The following FGF14 variants were observed in gnomAD, a reference collection of about 807,000 sequenced individuals.
FGF14 encodes the protein fibroblast growth factor homologous factor 4.
FGF14 carries 5 observed loss-of-function variants against 25.5 expected under a neutral mutation model. That is an observed-to-expected ratio of 0.20 (90% CI 0.10 to 0.41). The LOEUF (loss-of-function observed/expected upper bound fraction) is 0.41. FGF14 is among the 10% of genes least tolerant of loss of function. The pLI, the probability that FGF14 is intolerant of heterozygous loss-of-function variation, is 1.00. For synonymous variants in FGF14, 138 were observed against 118.3 expected, an observed-to-expected ratio of 1.17 and a Z score of -1.08; for missense variants, 222 against 320.1, an observed-to-expected ratio of 0.69 and a Z score of 2.34.
At chr13:101,824,344 C>T (rs979984144) in intron 3 of FGF14, among the ~76,000 whole-genome samples, 1 of 152,074 alleles carries the variant, frequency 6.6e-6, no homozygotes, top group Non-Finnish European at 1.5e-5. Context: ...CGCGCGTGCA[C>T]GCTTACCATT....
At chr13:102,373,662 C>T (rs1436327926) in intron 1 of FGF14, 1 of 152,136 alleles carries the variant, frequency 6.6e-6, no homozygotes, top group Non-Finnish European at 1.5e-5. Flanking sequence ...AATTGGTGAG[C>T]TTGATTTGTG....
At chr13:101,932,323 A>G (rs1469402244) in intron 1 of FGF14, among the ~76,000 whole-genome samples, 1 of 152,034 alleles carries the variant, frequency 6.6e-6, no homozygotes, top group Non-Finnish European at 1.5e-5. Context: ...TGAGGTCAGA[A>G]GTTTGTGACC....
intron 1 of FGF14, among the ~76,000 whole-genome samples, chr13:102,383,505 T>A (rs1471634757): frequency 3.9e-5 from 6 of 152,184 alleles, no homozygotes; most frequent in African/African-American, 1.4e-4. Flanking sequence ...ACCCAACTTA[T>A]CAAATGCTAT....
chr13:101,771,640 A>C (rs2038780285), intron 3 of FGF14, among the ~76,000 whole-genome samples: 2 of 152,248 alleles, frequency 1.3e-5, no homozygotes, highest in Admixed American at 1.3e-4. Context: ...AATCTGGCCC[A>C]TAGATAAATT....
At chr13:102,078,755 C>T (rs1347450188) in intron 1 of FGF14, among the ~76,000 whole-genome samples, 1 of 152,104 alleles carries the variant, frequency 6.6e-6, no homozygotes, top group African/African-American at 2.4e-5. Context: ...TGGAAACTCT[C>T]GACGTGTATT....
intron 1 of FGF14, among the ~76,000 whole-genome samples, chr13:102,225,468 G>A (rs975067471): frequency 2.0e-5 from 3 of 152,074 alleles, no homozygotes; most frequent in Admixed American, 6.6e-5. Context: ...ATTTTATGCT[G>A]CACTAGAGAA....
At chr13:101,940,841 A>G (rs1488466359) in intron 1 of FGF14, among the ~76,000 whole-genome samples, 3 of 152,234 alleles carry the variant, frequency 2.0e-5, no homozygotes, top group African/African-American at 7.2e-5. Flanking sequence ...AAAATTCAAC[A>G]AATATTGAAA....
chr13:102,088,376 A>G (rs1343125095), intron 1 of FGF14, among the ~76,000 whole-genome samples: 5 of 152,164 alleles, frequency 3.3e-5, no homozygotes, highest in Non-Finnish European at 2.9e-5. Context: ...ATTAATGAAA[A>G]TGAATCTTAA....
At chr13:102,349,750 T>C (rs1326855685) in intron 1 of FGF14, among the ~76,000 whole-genome samples, 2 of 152,218 alleles carry the variant, frequency 1.3e-5, no homozygotes, top group Non-Finnish European at 2.9e-5. Context: ...AAATATAACA[T>C]ATTATGAACC....
chr13:101,928,633 C>A (rs1017550754), intron 1 of FGF14, among the ~76,000 whole-genome samples: 1 of 151,956 alleles, frequency 6.6e-6, no homozygotes, highest in Non-Finnish European at 1.5e-5. Context: ...AACTAATAAT[C>A]CCATTTTACT....
At chr13:101,896,027 T>G (rs921035432) in intron 1 of FGF14, among the ~76,000 whole-genome samples, 8 of 152,184 alleles carry the variant, frequency 5.3e-5, no homozygotes, top group African/African-American at 1.7e-4. Context: ...TACTTAACCA[T>G]AATTAAAATT....
At chr13:102,054,839 T>C (rs2042362272) in intron 1 of FGF14, among the ~76,000 whole-genome samples, 1 of 152,160 alleles carries the variant, frequency 6.6e-6, no homozygotes, top group South Asian at 2.1e-4. Flanking sequence ...CTTTTATTCA[T>C]CCCCAATATG....
At chr13:102,040,769 T>C (rs1428292890) in intron 1 of FGF14, among the ~76,000 whole-genome samples, 2 of 152,178 alleles carry the variant, frequency 1.3e-5, no homozygotes, top group Non-Finnish European at 2.9e-5. Context: ...GGCAATCAAT[T>C]TGGGGGTACC....
intron 3 of FGF14, among the ~76,000 whole-genome samples, chr13:101,746,411 A>T (rs529513887): frequency 2.6e-4 from 40 of 152,114 alleles, no homozygotes; most frequent in African/African-American, 9.4e-4. Flanking sequence ...CAGTCATCTT[A>T]TATACTGACA....
intron 1 of FGF14, among the ~76,000 whole-genome samples, chr13:101,941,447 G>C (rs1418821951): frequency 6.6e-6 from 1 of 152,062 alleles, no homozygotes; most frequent in Non-Finnish European, 1.5e-5. Flanking sequence ...TCTTCCTATA[G>C]CAAAAAGAAA....
chr13:102,377,116 GA>G (rs2058059648), intron 1 of FGF14, among the ~76,000 whole-genome samples: 1 of 151,754 alleles, frequency 6.6e-6, no homozygotes, highest in Admixed American at 6.6e-5. Context: ...AAAAAGAAGT[GA>G]ATGACAGAGC....
intron 1 of FGF14, among the ~76,000 whole-genome samples, chr13:102,275,407 T>A (rs1015166487): frequency 6.6e-6 from 1 of 152,076 alleles, no homozygotes; most frequent in African/African-American, 2.4e-5. Context: ...GGGGCTATTA[T>A]ATTTTTTTAC....
At chr13:101,871,366 T>C (rs181938329) in intron 2 of FGF14, among the ~76,000 whole-genome samples, 56 of 152,212 alleles carry the variant, frequency 3.7e-4, no homozygotes, top group African/African-American at 1.3e-3. Flanking sequence ...TAAATCACAA[T>C]CTTTGGGAAC....
intron 1 of FGF14, among the ~76,000 whole-genome samples, chr13:102,305,946 T>C (rs972642212): frequency 2.0e-5 from 3 of 152,178 alleles, no homozygotes; most frequent in South Asian, 2.1e-4. Flanking sequence ...TTTGAAGCCC[T>C]GGGGAAGCAT....
Sources: allele counts gnomAD v4.1 joint callset (sites outside exome capture counted in the v4.1 genomes callset), GRCh38; gene constraint gnomAD v4.1.1; transcripts MANE v1.5; gene names NCBI Gene and HGNC (gene_info 2026-07-23, HGNC 2026-07-21).